Variants in LRBA observed in about 807,000 individuals in gnomAD.
The protein encoded by LRBA is LPS responsive beige-like anchor protein.
Under a neutral mutation model 330.0 loss-of-function variants are expected in LRBA, and 176 were observed. The ratio of observed to expected loss-of-function variants is 0.53; its 90% CI spans 0.47 to 0.60. The LOEUF is 0.60. LRBA is among the 20% of genes least tolerant of loss of function. The probability of loss-of-function intolerance (pLI) is 0.00; values close to 1 mark genes in which losing one functional copy is unlikely to be tolerated. For synonymous variants in LRBA, 1,230 were observed against 1,193.0 expected (o/e 1.03, Z -0.64); for missense variants, 3,259 against 3,444.8 (o/e 0.95, Z 1.35).
chr4:150,694,658 G>A (rs1042699698), intron 36 of LRBA, among the ~76,000 whole-genome samples: 7 of 151,872 alleles, frequency 4.6e-5, no homozygotes, highest in African/African-American at 9.7e-5. Context: ...AAAAGCCTAA[G>A]CCAATGAAAC....
intron 37 of LRBA, among the ~76,000 whole-genome samples, chr4:150,660,460 C>T (rs1780903891): frequency 1.3e-5 from 2 of 151,454 alleles, no homozygotes; most frequent in African/African-American, 2.4e-5. Context: ...CGGCCAGCCG[C>T]CCCGTCCGGG....
intron 42 of LRBA, among the ~76,000 whole-genome samples, chr4:150,473,871 T>C (rs1756422911): frequency 6.6e-6 from 1 of 152,210 alleles, no homozygotes; most frequent in Non-Finnish European, 1.5e-5. Context: ...TGCAGACTAA[T>C]AAAAAGTGCT....
chr4:150,388,851 C>T (rs896753533), intron 47 of LRBA, among the ~76,000 whole-genome samples: 1 of 152,068 alleles, frequency 6.6e-6, no homozygotes, highest in Non-Finnish European at 1.5e-5. Flanking sequence ...TTAATTAAAA[C>T]TAAAAATTCA....
intron 40 of LRBA, among the ~76,000 whole-genome samples, chr4:150,577,186 A>C (rs1770652228): frequency 6.6e-6 from 1 of 152,018 alleles, no homozygotes; most frequent in South Asian, 2.1e-4. Context: ...TTTTACTGTG[A>C]CTTATAATGT....
At position 150,680,015 on chromosome 4, in the gene LRBA, A is replaced by G. The variant is rs548762916; in HGVS notation, c.5921+3536T>C. The stretch of plus-strand genomic sequence containing the variant: ...CATCCTTCTTACATTCAGCCACTTT[A>G]CCAGGTGTCATCTACATGAAAGATG... On this transcript the variant is annotated intron_variant, in intron 37 of 56. Coordinates refer to ENST00000651943, the MANE Select transcript of LRBA (RefSeq NM_001364905.1). 2.0e-5 allele frequency among the ~76,000 whole-genome samples: 3 copies of G among 152,200 alleles called. No individual in the cohort carries two copies. The East Asian group carries it at 5.8e-4, about 29-fold the overall frequency.
At chr4:150,277,165 A>C (rs887008098) in intron 56 of LRBA, among the ~76,000 whole-genome samples, 1 of 152,060 alleles carries the variant, frequency 6.6e-6, no homozygotes. Context: ...TCAGCAAACT[A>C]ACACAGGAAC....
chr4:150,432,011 T>C (rs562002844), intron 46 of LRBA, among the ~76,000 whole-genome samples: 2 of 152,302 alleles, frequency 1.3e-5, no homozygotes, highest in Admixed American at 1.3e-4. Flanking sequence ...GGTAATATTA[T>C]TCTTTGAGTA....
chr4:150,792,882 A>C (rs1740183464), intron 34 of LRBA, among the ~76,000 whole-genome samples: 1 of 152,082 alleles, frequency 6.6e-6, no homozygotes, highest in African/African-American at 2.4e-5. Context: ...GGAGTTCAAG[A>C]CCAGCCTGGC....
At chr4:150,768,023 C>G (rs1736012757) in intron 34 of LRBA, among the ~76,000 whole-genome samples, 1 of 141,330 alleles carries the variant, frequency 7.1e-6, no homozygotes, top group African/African-American at 2.7e-5. Context: ...AAGATCACGC[C>G]ACTGCACTCC....
intron 2 of LRBA, among the ~76,000 whole-genome samples, chr4:150,929,508 G>A (rs1441049306): frequency 6.6e-6 from 1 of 152,118 alleles, no homozygotes; most frequent in Non-Finnish European, 1.5e-5. Flanking sequence ...ACACATTGGA[G>A]TTTATATTAG....
intron 2 of LRBA, among the ~76,000 whole-genome samples, chr4:150,996,113 T>C (rs1209939159): frequency 6.9e-6 from 1 of 144,974 alleles, no homozygotes; most frequent in East Asian, 2.0e-4. Flanking sequence ...CATTTCAAAG[T>C]AGGAGACATT....
Position 150,963,059 on chromosome 4 carries a change from TTAAAA to T in LRBA, c.217-33999_217-33995del, listed in dbSNP as rs1273731980. Among the ~76,000 whole-genome samples, 16 of 146,968 alleles carry T rather than the reference TTAAAA, an allele frequency of 1.1e-4. 2 individuals carry two copies. Among genetic ancestry groups the T allele is most frequent in the African/African-American group, 4.2e-4 (16 of 37,700 alleles). ...CACTAGTCAAGTCAAATCAATCCCT[TTAAAA>T]TAAGAAGCTTCTAGAAAATAACAAA... On this transcript the variant is annotated intron_variant, in intron 2 of 56. Transcript: ENST00000651943.
At chr4:150,840,850 G>C (rs538773670) in intron 28 of LRBA, 1 of 890,886 alleles carries the variant, frequency 1.1e-6, no homozygotes, top group Admixed American at 5.1e-5. Context: ...AATGAGGCAT[G>C]CCTGTAAATA....
chr4:150,780,780 T>A (rs1432043833), intron 34 of LRBA, among the ~76,000 whole-genome samples: 1 of 151,562 alleles, frequency 6.6e-6, no homozygotes, highest in African/African-American at 2.4e-5. Flanking sequence ...CAGGGACCAG[T>A]TTCATGGAAG....
At chr4:150,694,399 T>A (rs1784423154) in intron 36 of LRBA, among the ~76,000 whole-genome samples, 1 of 150,082 alleles carries the variant, frequency 6.7e-6, no homozygotes, top group African/African-American at 2.5e-5. Flanking sequence ...TGAAGAAGTT[T>A]CTCAGTATTT....
intron 44 of LRBA, among the ~76,000 whole-genome samples, chr4:150,438,161 G>C (rs1007118970): frequency 6.6e-6 from 1 of 152,104 alleles, no homozygotes; most frequent in African/African-American, 2.4e-5. Flanking sequence ...CACTGAAAAA[G>C]ACATGATATA....
chr4:150,870,432 T>A (rs1753283856), intron 20 of LRBA, 93 bp downstream of exon 20: 1 of 743,802 alleles, frequency 1.3e-6, no homozygotes, highest in Non-Finnish European at 2.4e-6. Flanking sequence ...CATCTAACAA[T>A]CTGTTTCAAC....
At chr4:150,399,979 A>ATC (rs1745247452) in intron 47 of LRBA, among the ~76,000 whole-genome samples, 5 of 133,562 alleles carry the variant, frequency 3.7e-5, no homozygotes, top group African/African-American at 7.7e-5. Context: ...CTGTCAATCA[A>ATC]ACAATCAATC....
At chr4:150,563,765 G>A (rs1768727076) in intron 40 of LRBA, among the ~76,000 whole-genome samples, 1 of 152,084 alleles carries the variant, frequency 6.6e-6, no homozygotes, top group Non-Finnish European at 1.5e-5. Flanking sequence ...GCCAAATCAT[G>A]AGAGAACTCC....
Sources: gnomAD v4.1 joint callset for allele counts (sites outside exome capture counted in the v4.1 genomes callset) on GRCh38, gnomAD v4.1.1 for gene constraint, MANE v1.5 for transcripts, NCBI Gene and HGNC (gene_info 2026-07-23, HGNC 2026-07-21) for gene names.